PEX11G: variants seen among roughly 807,000 people sequenced by gnomAD.
PEX11G encodes the protein peroxisomal membrane protein 11C.
A neutral mutation model predicts 22.5 loss-of-function variants in PEX11G; 20 were observed. The ratio of observed to expected loss-of-function variants is 0.89; its 90% CI spans 0.62 to 1.29. The LOEUF is 1.29. PEX11G is among the 50% of genes most tolerant of loss of function. The pLI is 0.00. For synonymous variants in PEX11G, 141 were observed against 154.5 expected (o/e 0.91, Z 0.65); for missense variants, 347 against 331.3 (o/e 1.05, Z -0.37).
In PEX11G at chr19:7,478,304, G is replaced by A. The variant is rs557899460; in HGVS notation, c.491+10C>T. On this transcript the variant is annotated intron_variant, in intron 4 of 4. Transcript: ENST00000221480. ...GTGGGCCTCCCTGCTGGGTGATCAC[G>A]GGCTCCTACCTGGTGAAGGGCGCCG... 1.4e-5 allele frequency: 23 copies of A among 1,609,742 alleles called. No homozygotes were observed. Among genetic ancestry groups the A allele is most frequent in the African/African-American group, 2.7e-5 (2 of 74,990 alleles).
At chr19:7,490,490 A>ATTTT (rs59322811), upstream of PEX11G, among the ~76,000 whole-genome samples, 12 of 114,888 alleles carry the variant, frequency 1.0e-4, no homozygotes, top group African/African-American at 2.9e-4. Flanking sequence ...CGCCTGGGTA[A>ATTTT]TTTTTTTTTT....
Position 7,486,027 on chromosome 19 carries a change from C to T in PEX11G, c.61-1G>A, listed in dbSNP as rs746416028. On this transcript the variant is annotated splice_acceptor_variant, in intron 1 of 4. Coordinates refer to ENST00000221480, the MANE Select transcript of PEX11G (RefSeq NM_080662.4). LOFTEE classifies it high-confidence loss of function. ...GGCAGCAGTACCCCAGCACTCGGAT[C>T]TGTGGGAAACCAGAAGCAGTCAGTG... The T allele has an allele frequency of 3.8e-6, 6 of 1,583,580 alleles. No individual in the cohort carries two copies. In the South Asian group the frequency reaches 5.6e-5, roughly 15 times the overall value.
chr19:7,479,370 G>T (rs145674362), intron 3 of PEX11G, among the ~76,000 whole-genome samples: 2,865 of 152,222 alleles, frequency 0.019, 94 homozygotes, highest in African/African-American at 0.065. Flanking sequence ...TGTAATCCCA[G>T]GTACTCGGGA....
intron 1 of PEX11G, 90 bp downstream of exon 1, chr19:7,488,861 G>T: frequency 7.3e-7 from 1 of 1,372,978 alleles, no homozygotes. Context: ...GAGTATCCTG[G>T]GCGACCCCGT....
At chr19:7,484,767 T>TCC (rs2145970656) in intron 2 of PEX11G, among the ~76,000 whole-genome samples, 1 of 150,068 alleles carries the variant, frequency 6.7e-6, no homozygotes, top group African/African-American at 2.5e-5. Context: ...AGTGAGACCT[T>TCC]GTCTCAAAAA....
At chr19:7,486,137 T>TC in intron 1 of PEX11G, 111 bp from the exon 2 acceptor site, 1 of 615,140 alleles carries the variant, frequency 1.6e-6, no homozygotes, top group Non-Finnish European at 2.2e-6. Context: ...GAAGATTCTC[T>TC]TTTTTTTTTG....
intron 2 of PEX11G, among the ~76,000 whole-genome samples, chr19:7,484,823 T>TG (rs2043295133): frequency 6.6e-6 from 1 of 151,690 alleles, no homozygotes; most frequent in South Asian, 2.1e-4. Flanking sequence ...GGGGAAAAAT[T>TG]GGAGGCCTGG....
upstream of PEX11G, among the ~76,000 whole-genome samples, chr19:7,491,849 G>T (rs191301017): frequency 6.6e-6 from 1 of 151,768 alleles, no homozygotes; most frequent in Non-Finnish European, 1.5e-5. Context: ...GTAGAGATGC[G>T]GTCTCGCTAT....
chr19:7,479,507 G>T (rs1977391807), intron 3 of PEX11G, among the ~76,000 whole-genome samples: 1 of 152,136 alleles, frequency 6.6e-6, no homozygotes, highest in Non-Finnish European at 1.5e-5. Flanking sequence ...GAAGCCCTGG[G>T]CGCCGGACCC....
At chr19:7,489,317 C>T, upstream of PEX11G, 5 of 1,160,914 alleles carry the variant, frequency 4.3e-6, no homozygotes, top group Non-Finnish European at 5.3e-6. Flanking sequence ...TACCCACACG[C>T]TCCAAAAATA....
chr19:7,491,788 G>T (rs981098019), upstream of PEX11G, among the ~76,000 whole-genome samples: 3 of 152,246 alleles, frequency 2.0e-5, no homozygotes, highest in South Asian at 4.1e-4. Context: ...CATTGCCTGG[G>T]ACTACAGGTG....
In PEX11G at chr19:7,477,288, C is replaced by CTA. The variant is rs201351602; in HGVS notation, c.638_639dup (p.Val214Ter). On this transcript the variant is annotated frameshift_variant, in exon 5 of 5. Transcript: ENST00000221480. LOFTEE classifies it low-confidence loss of function (END_TRUNC). ...GAGGAGATGGTGCCCATGAGGCCCACTAGCCACGGCGGGAAGCGGCCGGCC... is the reference window on the plus strand; with the variant it reads ...GAGGAGATGGTGCCCATGAGGCCCACTATAGCCACGGCGGGAAGCGGCCGGCC... The CTA allele has an allele frequency of 9.5e-4, 1,509 of 1,583,222 alleles. 22 individuals are homozygous for CTA. The African/African-American group carries it at 0.019, about 20-fold the overall frequency.
chr19:7,485,413 TG>T (rs1266251778), intron 2 of PEX11G, among the ~76,000 whole-genome samples: 1 of 151,812 alleles, frequency 6.6e-6, no homozygotes, highest in African/African-American at 2.4e-5. Flanking sequence ...TGGAGTGCAG[TG>T]GCGCGATCTC....
chr19:7,483,127 GC>G (rs1215128819), intron 2 of PEX11G: 7 of 29,268 alleles, frequency 2.4e-4, no homozygotes, highest in Middle Eastern at 0.022. Context: ...TCGGAGCCCC[GC>G]CCCCTCTACC....
intron 2 of PEX11G, among the ~76,000 whole-genome samples, chr19:7,484,910 T>C (rs1054690535): frequency 6.6e-6 from 1 of 152,184 alleles, no homozygotes; most frequent in Non-Finnish European, 1.5e-5. Flanking sequence ...TTTTAAAAAT[T>C]TAAATCAAAA....
chr19:7,481,722 C>G (rs951479780), intron 3 of PEX11G, among the ~76,000 whole-genome samples: 18 of 152,186 alleles, frequency 1.2e-4, no homozygotes, highest in African/African-American at 3.9e-4. Context: ...CGGACCTCCC[C>G]CTGGGACCTC....
At chr19:7,493,773 A>AGGCAGGTGGATCACTTGAGGTC (rs1378956695), upstream of PEX11G, among the ~76,000 whole-genome samples, 1 of 151,574 alleles carries the variant, frequency 6.6e-6, no homozygotes, top group Non-Finnish European at 1.5e-5. Flanking sequence ...TGGGAGGCCA[A>AGGCAGGTGGATCACTTGAGGTC]GGCAGGTGGA....
chr19:7,485,952 C>T lies in PEX11G; in HGVS notation c.135G>A (p.Val45=), dbSNP rs767092683. 6.8e-6 allele frequency: 11 copies of T among 1,612,490 alleles called. No individual in the cohort carries two copies. Among genetic ancestry groups the T allele is most frequent in the South Asian group, 1.1e-5 (1 of 91,014 alleles). ...LVEQCPARSE[V]GTRLLVVSTQ... ...TGGACACCACCAACAGACGTGTCCCCACTTCGGACCTGGCGGGACACTGTT... is the reference window on the plus strand; with the variant it reads ...TGGACACCACCAACAGACGTGTCCCTACTTCGGACCTGGCGGGACACTGTT... Residue 45 remains valine (V), a synonymous_variant, in exon 2 of 5, where the codon GTG becomes GTA. Transcript: ENST00000221480.
rs775699798 is a variant in PEX11G at position 7,482,141 on chromosome 19, T to A, written c.320A>T (p.Glu107Val). 1 of 1,594,240 alleles carries A rather than the reference T, an allele frequency of 6.3e-7. No homozygotes were observed. Among genetic ancestry groups the A allele is most frequent in the Non-Finnish European group, 8.5e-7 (1 of 1,171,188 alleles). ...NLADQLYYPCEHVAWAADARV... is the reference protein window; with the variant it reads ...NLADQLYYPCVHVAWAADARV... ...GGCATCAGCCGCCCAGGCCACGTGC[T>A]CACAGGGGTAGTAGAGCTGGTCAGC... Residue 107 changes from glutamate (E) to valine (V), a missense_variant, in exon 3 of 5, where the codon GAG becomes GTG. Coordinates refer to ENST00000221480, the MANE Select transcript of PEX11G (RefSeq NM_080662.4).
Sources: allele counts gnomAD v4.1 joint callset (sites outside exome capture counted in the v4.1 genomes callset), GRCh38; gene constraint gnomAD v4.1.1; transcripts MANE v1.5; gene names NCBI Gene and HGNC (gene_info 2026-07-23, HGNC 2026-07-21).